Variants in DSC2 observed in about 807,000 individuals in gnomAD.
DSC2 encodes the protein desmocollin 2, also known as desmocollin-2.
Under a neutral mutation model 87.6 loss-of-function variants are expected in DSC2, and 51 were observed. That is an observed-to-expected ratio of 0.58 (90% CI 0.46 to 0.74). The LOEUF (loss-of-function observed/expected upper bound fraction) is 0.74, where lower values mean the gene tolerates loss of function less well. Ranked by LOEUF, DSC2 falls within the 30% of genes least tolerant of loss-of-function variation. The pLI is 0.00. For missense variants in DSC2, 1,066 were observed against 1,089.5 expected (o/e 0.98, Z 0.30); for synonymous variants, 383 against 393.2 (o/e 0.97, Z 0.31).
chr18:31,087,602 T>A (rs986343312), intron 6 of DSC2, 67 bp downstream of exon 6: 2 of 1,528,326 alleles, frequency 1.3e-6, no homozygotes, highest in African/African-American at 2.7e-5. Flanking sequence ...TCAACGGACA[T>A]AGTGAAACTA....
Position 31,068,184 on chromosome 18 carries a change from T to C in DSC2, c.2537A>G (p.Asn846Ser), listed in dbSNP as rs769957482. The C allele has an allele frequency of 6.2e-7, 1 of 1,614,092 alleles. No homozygotes were observed. The highest frequency in any genetic ancestry group is 1.1e-5 in the South Asian group (1 of 91,072). The change falls in exon 16 of 16, where the codon AAT becomes AGT. Residue 846 changes from asparagine (N) to serine (S), a missense_variant. Transcript: ENST00000280904. ...EKVYLCNQDE[N>S]HKHAQDYVLT... ...GACATAGTCTTGGGCATGCTTGTGA[T>C]TTTCATCTTGATTACACAGATACAC...
chr18:31,062,054 T>C lies in DSC2; in HGVS notation c.*5961A>G, dbSNP rs1173764642. On this transcript the variant is annotated 3_prime_UTR_variant, in exon 16 of 16. Coordinates refer to ENST00000280904, the MANE Select transcript of DSC2 (RefSeq NM_024422.6). ...GTTATCTTCCAAGTGACATTATCAGTTCACAGCACAATATAGGCATTGCCT... is the reference window on the plus strand; with the variant it reads ...GTTATCTTCCAAGTGACATTATCAGCTCACAGCACAATATAGGCATTGCCT... The C allele has an allele frequency of 1.3e-5, 2 of 152,208 alleles. No homozygotes were observed. Among genetic ancestry groups the C allele is most frequent in the Non-Finnish European group, 2.9e-5 (2 of 68,056 alleles). 9.4% of individuals were successfully genotyped at this position (152,208 alleles called of 1,614,324 possible). A position where few individuals can be genotyped will look rare whatever the true frequency, so the allele number is the denominator to read the frequency against.
intron 3 of DSC2, chr18:31,091,448 T>G (rs1414735247): frequency 2.0e-6 from 1 of 512,422 alleles, no homozygotes; most frequent in Non-Finnish European, 3.8e-6. Context: ...CCCATTGCCA[T>G]GCAAAAACAT....
At chr18:31,076,297 T>C (rs1173924074) in intron 11 of DSC2, among the ~76,000 whole-genome samples, 1 of 152,038 alleles carries the variant, frequency 6.6e-6, no homozygotes, top group Non-Finnish European at 1.5e-5. Context: ...TTCTAAACCG[T>C]GGGCCACAGA....
chr18:31,089,321 G>A, intron 5 of DSC2, 118 bp downstream of exon 5: 1 of 1,105,158 alleles, frequency 9.0e-7, no homozygotes. Flanking sequence ...CTATTAGGGA[G>A]TAGCCAGAGC....
Position 31,059,567 on chromosome 18 carries a change from GT to G in DSC2, c.*8447del, listed in dbSNP as rs1986461553. 1 of 152,138 alleles carries G rather than the reference GT, an allele frequency of 6.6e-6. No individual in the cohort carries two copies. Among genetic ancestry groups the G allele is most frequent in the Non-Finnish European group, 1.5e-5 (1 of 68,034 alleles). The allele number at this position is 152,138 out of a possible 1,614,324, so 9.4% of individuals were successfully genotyped here. A position where few individuals can be genotyped will look rare whatever the true frequency, so the allele number is the denominator to read the frequency against. On this transcript the variant is annotated 3_prime_UTR_variant, in exon 16 of 16. Coordinates refer to ENST00000280904, the MANE Select transcript of DSC2 (RefSeq NM_024422.6). ...GCTCCCCAAATTCTAAAGCCTGTGA[GT>G]TTTTCTTGCTCTGTATTTCATTTAC...
At chr18:31,075,944 G>C (rs945014124) in intron 11 of DSC2, among the ~76,000 whole-genome samples, 6 of 152,088 alleles carry the variant, frequency 3.9e-5, no homozygotes, top group African/African-American at 7.2e-5. Context: ...AAATCTGGGG[G>C]ATTCAAAGAT....
chr18:31,068,226 A>G lies in DSC2; in HGVS notation c.2509-14T>C. 1 of 1,613,970 alleles carries G rather than the reference A, an allele frequency of 6.2e-7. No homozygotes were observed. Among genetic ancestry groups the G allele is most frequent in the South Asian group, 1.1e-5 (1 of 91,034 alleles). On this transcript the variant is annotated splice_polypyrimidine_tract_variant and intron_variant, in intron 15 of 15. Transcript: ENST00000280904. ...CAGATACACTTTCTGCCAAGGGGAA[A>G]AACACAACGTTTTTATTATTATTAT...
Position 31,091,068 on chromosome 18 carries a change from A to G in DSC2, c.434T>C (p.Leu145Pro), listed in dbSNP as rs1466079276. 1 of 1,614,074 alleles carries G rather than the reference A, an allele frequency of 6.2e-7. No individual in the cohort carries two copies. Among genetic ancestry groups the G allele is most frequent in the Non-Finnish European group, 8.5e-7 (1 of 1,179,938 alleles). Residue 145 changes from leucine (L) to proline (P), a missense_variant, in exon 4 of 16, where the codon CTA becomes CCA. Physicochemically the swap from Leu to Pro is moderately conservative, Grantham distance 98. Transcript: ENST00000280904. ...RRWAPIPCSM[L>P]ENSLGPFPLF... ...TGGAAAAGGACCCAAGGAGTTTTCT[A>G]GCATCGAACAAGGAATTGGAGCCCA...
Position 31,059,772 on chromosome 18 carries a change from G to C in DSC2, c.*8243C>G, listed in dbSNP as rs1721821764. ...TATAATAATTTGGAAACCTATCCTA[G>C]TTTTAAAATACTACTATAGTTTATG... On this transcript the variant is annotated 3_prime_UTR_variant, in exon 16 of 16. Coordinates refer to ENST00000280904, the MANE Select transcript of DSC2 (RefSeq NM_024422.6). The C allele has an allele frequency of 6.6e-6, 1 of 152,054 alleles. No homozygotes were observed. The highest frequency in any genetic ancestry group is 2.4e-5 in the African/African-American group (1 of 41,410). 9.4% of individuals were successfully genotyped at this position (152,054 alleles called of 1,614,324 possible).
Position 31,069,008 on chromosome 18 carries a change from C to T in DSC2, c.2394G>A (p.Arg798=), listed in dbSNP as rs1986729754. The part of the protein sequence containing the change: ...KGGHQTSESC[R]GAGHHHTLDS... ...CCAGGGTGTGATGGTGGCCAGCCCC[C>T]CGGCAGGATTCCGAGGTCTGGTGTC... The change falls in exon 15 of 16, where the codon CGG becomes CGA. Residue 798 remains arginine (R), a synonymous_variant. Transcript: ENST00000280904. 2 of 1,613,936 alleles carry T rather than the reference C, an allele frequency of 1.2e-6. No homozygotes were observed. Among genetic ancestry groups the T allele is most frequent in the Admixed American group, 1.7e-5 (1 of 59,994 alleles).
At chr18:31,091,970 G>C in intron 3 of DSC2, 131 bp downstream of exon 3, 1 of 861,508 alleles carries the variant, frequency 1.2e-6, no homozygotes, top group South Asian at 1.8e-5. Context: ...ACACTGTGAA[G>C]TTGCCTCATG....
At chr18:31,069,517 C>A (rs955558397) in intron 14 of DSC2, among the ~76,000 whole-genome samples, 1 of 152,030 alleles carries the variant, frequency 6.6e-6, no homozygotes, top group Non-Finnish European at 1.5e-5. Context: ...GAATTCAAGA[C>A]CAGCCTCGCC....
chr18:31,101,643 G>A, intron 1 of DSC2: 1 of 457,284 alleles, frequency 2.2e-6, no homozygotes, highest in Non-Finnish European at 3.8e-6. Flanking sequence ...GGCGAAAGCG[G>A]CCCGCTCCCG....
chr18:31,085,587 G>C (rs973587958), intron 7 of DSC2, among the ~76,000 whole-genome samples: 2 of 151,678 alleles, frequency 1.3e-5, no homozygotes, highest in East Asian at 3.9e-4. Flanking sequence ...ATTTAACACT[G>C]TTAACAGTAT....
intron 5 of DSC2, 79 bp downstream of exon 5, chr18:31,089,360 G>C (rs1428101312): frequency 1.3e-6 from 2 of 1,545,790 alleles, no homozygotes; most frequent in East Asian, 2.3e-5. Flanking sequence ...AAGCAGAAAA[G>C]GTTACGTGAA....
At chr18:31,101,107 A>C (rs1006623655) in intron 1 of DSC2, 18 of 884,082 alleles carry the variant, frequency 2.0e-5, no homozygotes, top group South Asian at 1.0e-4. Context: ...GGTGAGCAGA[A>C]AAATCGAGTC....
At position 31,063,024 on chromosome 18, in the gene DSC2, A is replaced by G. The variant is rs972603524; in HGVS notation, c.*4991T>C. 6.6e-6 allele frequency: 1 copy of G among 152,150 alleles called. No homozygotes were observed. Among genetic ancestry groups the G allele is most frequent in the Non-Finnish European group, 1.5e-5 (1 of 68,034 alleles). 9.4% of individuals were successfully genotyped at this position (152,150 alleles called of 1,614,324 possible). A position where few individuals can be genotyped will look rare whatever the true frequency, so the allele number is the denominator to read the frequency against. On this transcript the variant is annotated 3_prime_UTR_variant, in exon 16 of 16. Coordinates refer to ENST00000280904, the MANE Select transcript of DSC2 (RefSeq NM_024422.6). ...TCTTTTTTCCTTTATGACCTGGGCAATATAATTTGATGAATCAAAATTTGG... is the reference window on the plus strand; with the variant it reads ...TCTTTTTTCCTTTATGACCTGGGCAGTATAATTTGATGAATCAAAATTTGG...
intron 11 of DSC2, 47 bp from the exon 12 acceptor site, chr18:31,074,954 A>G (rs1986967899): frequency 1.9e-6 from 3 of 1,550,806 alleles, no homozygotes; most frequent in Non-Finnish European, 2.6e-6. Flanking sequence ...TTGAGTTTTC[A>G]CCACAAAAGT....
Sources: gnomAD v4.1 joint callset for allele counts (sites outside exome capture counted in the v4.1 genomes callset) on GRCh38, gnomAD v4.1.1 for gene constraint, MANE v1.5 for transcripts, NCBI Gene and HGNC (gene_info 2026-07-23, HGNC 2026-07-21) for gene names.